The following DZIP1L variants were observed in gnomAD, a reference collection of about 807,000 sequenced individuals.
DZIP1L encodes cilium assembly protein DZIP1L.
DZIP1L carries 90 observed loss-of-function variants against 88.7 expected under a neutral mutation model. The observed-to-expected ratio is 1.02, with a 90% CI of 0.86 to 1.21. The LOEUF is 1.21. Among genes scored for constraint, DZIP1L ranks in the 50% most tolerant of loss-of-function variants. The probability of loss-of-function intolerance (pLI) is 0.00; values close to 1 mark genes in which losing one functional copy is unlikely to be tolerated. For synonymous variants in DZIP1L, 363 were observed against 372.1 expected (o/e 0.98, Z 0.28); for missense variants, 932 against 955.8 (o/e 0.98, Z 0.33).
intron 10 of DZIP1L, among the ~76,000 whole-genome samples, chr3:138,078,229 G>A (rs948477247): frequency 9.2e-5 from 14 of 152,238 alleles, no homozygotes; most frequent in Admixed American, 6.5e-4. Flanking sequence ...GTGAGTCAGG[G>A]AAGGCCTCCT....
intron 11 of DZIP1L, among the ~76,000 whole-genome samples, chr3:138,073,106 G>A (rs1943255425): frequency 1.3e-5 from 2 of 152,070 alleles, no homozygotes; most frequent in South Asian, 4.1e-4. Flanking sequence ...GAAGACAAAG[G>A]TCATAATCCC....
At chr3:138,104,719 G>A (rs757775351) in intron 1 of DZIP1L, among the ~76,000 whole-genome samples, 44 of 152,116 alleles carry the variant, frequency 2.9e-4, no homozygotes, top group Non-Finnish European at 5.4e-4. Flanking sequence ...AGAGAGTTAC[G>A]GAGTCTCTGC....
chr3:138,099,709 T>C (rs1944638597), intron 2 of DZIP1L, among the ~76,000 whole-genome samples: 1 of 152,080 alleles, frequency 6.6e-6, no homozygotes, highest in Admixed American at 6.6e-5. Context: ...TTGACAGAGC[T>C]GGTTGTTAGA....
chr3:138,112,509 G>C (rs1201172347), intron 1 of DZIP1L: 1 of 152,140 alleles, frequency 6.6e-6, no homozygotes, highest in Non-Finnish European at 1.5e-5. Context: ...TCCTGATTAG[G>C]ATAGGCGGAC....
At position 138,092,386 on chromosome 3, in the gene DZIP1L, T is replaced by C. The variant is rs1451207911; in HGVS notation, c.867A>G (p.Glu289=). The change falls in exon 5 of 16, where the codon GAA becomes GAG. Residue 289 remains glutamate, a synonymous_variant. Transcript: ENST00000327532. ...AAAAGCCTTTTATGTTGGGTACCTC[T>C]TCTAGTGTAGAGTTCTGCTTGGCGA... is the stretch of plus-strand genomic sequence containing the variant. The part of the protein sequence containing the change: ...KNVAKQNSTL[E]EKLRALQSHS... 2 of 1,567,574 alleles carry C rather than the reference T, an allele frequency of 1.3e-6. No individual in the cohort carries two copies. The highest frequency in any genetic ancestry group is 1.7e-6 in the Non-Finnish European group (2 of 1,164,384).
At chr3:138,098,940 G>A (rs1576489706) in intron 2 of DZIP1L, among the ~76,000 whole-genome samples, 1 of 152,268 alleles carries the variant, frequency 6.6e-6, no homozygotes, top group East Asian at 1.9e-4. Flanking sequence ...GAGCCCAGGA[G>A]TTCGAGACCA....
intron 5 of DZIP1L, among the ~76,000 whole-genome samples, chr3:138,091,676 G>A (rs959955754): frequency 4.7e-5 from 1 of 21,148 alleles, no homozygotes; most frequent in African/African-American, 9.2e-5. Context: ...AGGGAGAGAG[G>A]GAGGGAGGAA....
chr3:138,114,446 A>T (rs1002124207), intron 1 of DZIP1L, among the ~76,000 whole-genome samples: 1 of 152,196 alleles, frequency 6.6e-6, no homozygotes, highest in African/African-American at 2.4e-5. Flanking sequence ...AAGGCCCCTT[A>T]TCAGCCACTA....
At chr3:138,095,118 A>T in intron 3 of DZIP1L, 135 bp from the exon 4 acceptor site, 1 of 1,333,430 alleles carries the variant, frequency 7.5e-7, no homozygotes, top group South Asian at 1.4e-5. Flanking sequence ...TTGGGCAAAG[A>T]ACATAACCTC....
Position 138,064,656 on chromosome 3 carries a change from C to T in DZIP1L, c.2114G>A (p.Arg705Lys). The part of the protein sequence containing the change: ...LFFMPNAGPQ[R>K]AATPGRKPQL... ...AGGCTTCCTTCCTGGTGTGGCAGCC[C>T]TCTGTGGCCCAGCATTGGGCATAAA... The change falls in exon 15 of 16, where the codon AGG (arginine) becomes AAG (lysine). Residue 705 changes from arginine to lysine, a missense_variant. Arg to Lys is a conservative substitution (Grantham distance 26, BLOSUM62 2). Coordinates refer to ENST00000327532, the MANE Select transcript of DZIP1L (RefSeq NM_173543.3). The T allele has an allele frequency of 1.2e-6, 2 of 1,614,184 alleles. No homozygotes were observed. The highest frequency in any genetic ancestry group is 1.1e-5 in the South Asian group (1 of 91,080).
chr3:138,074,483 TAC>T (rs1308441305), intron 11 of DZIP1L, among the ~76,000 whole-genome samples: 3 of 152,182 alleles, frequency 2.0e-5, no homozygotes, highest in African/African-American at 7.2e-5. Context: ...GAAAGAAAGA[TAC>T]AGTCTTTTCC....
chr3:138,067,477 G>A (rs913276490), intron 14 of DZIP1L, 54 bp downstream of exon 14: 5 of 1,512,868 alleles, frequency 3.3e-6, no homozygotes, highest in Non-Finnish European at 4.4e-6. Flanking sequence ...AATCTGGGCT[G>A]GAGAAGGGCT....
rs201921295 is a variant in DZIP1L at position 138,062,997 on chromosome 3, G to A, written c.2143-20C>T. The stretch of plus-strand genomic sequence containing the variant: ...AGAAAGCTGCAGGGGGTAAAGGGGA[G>A]AAGAAAATGCATTTTGATAAGGGAG... On this transcript the variant is annotated intron_variant, in intron 15 of 15. Transcript: ENST00000327532. The A allele has an allele frequency of 7.4e-6, 12 of 1,612,100 alleles. No individual in the cohort carries two copies. The highest frequency in any genetic ancestry group is 4.2e-6 in the Non-Finnish European group (5 of 1,179,322).
chr3:138,077,415 A>C lies in DZIP1L; in HGVS notation c.1422+84T>G, dbSNP rs1943462508. Reference sequence around the variant, plus strand: ...AGATGAATGAGCTCACAATGCAAAGAACAATCGATCATTTGTCTGTCTGAG... The same window carrying C: ...AGATGAATGAGCTCACAATGCAAAGCACAATCGATCATTTGTCTGTCTGAG... On this transcript the variant is annotated intron_variant, in intron 11 of 15. Transcript: ENST00000327532. 4 of 1,570,016 alleles carry C rather than the reference A, an allele frequency of 2.5e-6. No homozygotes were observed. The Admixed American group carries it at 6.9e-5, about 27-fold the overall frequency.
At position 138,064,770 on chromosome 3, in the gene DZIP1L, G is replaced by C. The variant is rs2107728178; in HGVS notation, c.2003-3C>G. 2.6e-6 allele frequency: 4 copies of C among 1,560,372 alleles called. No homozygotes were observed. Among genetic ancestry groups the C allele is most frequent in the Middle Eastern group, 1.7e-4 (1 of 5,758 alleles). On this transcript the variant is annotated splice_polypyrimidine_tract_variant and splice_region_variant and intron_variant, in intron 14 of 15. Coordinates refer to ENST00000327532, the MANE Select transcript of DZIP1L (RefSeq NM_173543.3). ...GACCATCGACTGCACCAGTGTTCCTGGAAGGTGAAAAAGTGGCTGTGTCAG... is the reference window on the plus strand; with the variant it reads ...GACCATCGACTGCACCAGTGTTCCTCGAAGGTGAAAAAGTGGCTGTGTCAG...
At chr3:138,064,507 TC>T (rs746403616) in intron 15 of DZIP1L, 120 bp downstream of exon 15, 98 of 1,612,358 alleles carry the variant, frequency 6.1e-5, no homozygotes, top group Non-Finnish European at 7.9e-5. Flanking sequence ...ACCCACAATG[TC>T]CCACTAGGGC....
intron 2 of DZIP1L, among the ~76,000 whole-genome samples, chr3:138,099,836 A>C (rs984345309): frequency 2.6e-5 from 4 of 152,216 alleles, no homozygotes; most frequent in African/African-American, 9.6e-5. Flanking sequence ...TCAGGTGCCC[A>C]GTCTTGAACC....
chr3:138,097,818 A>G lies in DZIP1L; in HGVS notation c.531T>C (p.Asn177=). 6.2e-7 allele frequency: 1 copy of G among 1,613,148 alleles called. No homozygotes were observed. The highest frequency in any genetic ancestry group is 1.3e-5 in the African/African-American group (1 of 75,054). Residue 177 remains asparagine (N), a synonymous_variant, in exon 3 of 16, where the codon AAT becomes AAC. Coordinates refer to ENST00000327532, the MANE Select transcript of DZIP1L (RefSeq NM_173543.3). ...GGATGTGGCCCCGGAGAAAGGTGGCATTCATGAATGTCTTGTCACACAGGT... is the reference window on the plus strand; with the variant it reads ...GGATGTGGCCCCGGAGAAAGGTGGCGTTCATGAATGTCTTGTCACACAGGT... ...TCHLCDKTFM[N]ATFLRGHIQR... is the part of the protein sequence containing the mutation.
intron 1 of DZIP1L, among the ~76,000 whole-genome samples, chr3:138,107,980 G>C (rs2042543696): frequency 6.6e-6 from 1 of 152,044 alleles, no homozygotes; most frequent in African/African-American, 2.4e-5. Context: ...CCTGACATAA[G>C]CACCCCCACC....
Sources: allele counts gnomAD v4.1 joint callset (sites outside exome capture counted in the v4.1 genomes callset), GRCh38; gene constraint gnomAD v4.1.1; transcripts MANE v1.5; gene names NCBI Gene and HGNC (gene_info 2026-07-23, HGNC 2026-07-21).